TAFA5: variants seen among roughly 807,000 people sequenced by gnomAD.
TAFA5 encodes the protein TAFA chemokine like family member 5.
TAFA5 carries 6 observed loss-of-function variants against 15.3 expected under a neutral mutation model. That is an observed-to-expected ratio of 0.39 (90% CI 0.21 to 0.77). The LOEUF (loss-of-function observed/expected upper bound fraction) is 0.77. Among genes scored for constraint, TAFA5 ranks in the 30% least tolerant of loss-of-function variants. The pLI is 0.41. For missense variants in TAFA5, 161 were observed against 193.1 expected (o/e 0.83, Z 0.98); for synonymous variants, 103 against 80.7 (o/e 1.28, Z -1.48).
intron 1 of TAFA5, among the ~76,000 whole-genome samples, chr22:48,582,607 GC>G (rs1004174006): frequency 2.0e-3 from 56 of 27,728 alleles, no homozygotes; most frequent in African/African-American, 8.5e-3. Context: ...TACACCACAC[GC>G]CACACACAAA....
chr22:48,519,022 G>A (rs1311516995), intron 1 of TAFA5, among the ~76,000 whole-genome samples: 1 of 152,190 alleles, frequency 6.6e-6, no homozygotes, highest in South Asian at 2.1e-4. Flanking sequence ...CAGGGAGGAC[G>A]CCTGGGGTCT....
At chr22:48,699,222 C>G (rs538307526) in intron 2 of TAFA5, among the ~76,000 whole-genome samples, 2 of 152,140 alleles carry the variant, frequency 1.3e-5, no homozygotes, top group African/African-American at 2.4e-5. Flanking sequence ...CGTGAGCCAC[C>G]GTGCCCTGCT....
At chr22:48,580,983 T>C (rs28607216) in intron 1 of TAFA5, among the ~76,000 whole-genome samples, 110,312 of 152,152 alleles carry the variant, frequency 0.73, 41,514 homozygotes, top group African/African-American at 0.93. Context: ...TGCCTCTCCC[T>C]GACCCTCCAG....
chr22:48,577,892 C>T (rs1160457928), intron 1 of TAFA5, among the ~76,000 whole-genome samples: 1 of 152,214 alleles, frequency 6.6e-6, no homozygotes, highest in Non-Finnish European at 1.5e-5. Flanking sequence ...CTTGCTGACC[C>T]ACTTCAGGAG....
chr22:48,494,412 G>A (rs1928255050), intron 1 of TAFA5, among the ~76,000 whole-genome samples: 1 of 152,190 alleles, frequency 6.6e-6, no homozygotes, highest in Non-Finnish European at 1.5e-5. Flanking sequence ...ATTCAGGGTG[G>A]AGATGGACAA....
intron 3 of TAFA5, among the ~76,000 whole-genome samples, chr22:48,715,768 C>G (rs1025065694): frequency 1.3e-5 from 2 of 152,220 alleles, no homozygotes; most frequent in Non-Finnish European, 1.5e-5. Flanking sequence ...CAAGCCTGCC[C>G]CAGCCACAGA....
intron 1 of TAFA5, among the ~76,000 whole-genome samples, chr22:48,510,709 C>A (rs934981823): frequency 2.0e-5 from 3 of 152,188 alleles, no homozygotes; most frequent in African/African-American, 7.2e-5. Flanking sequence ...CCCTGGCTTC[C>A]CTCCCCCATG....
intron 2 of TAFA5, among the ~76,000 whole-genome samples, chr22:48,703,939 C>T (rs1928996962): frequency 6.6e-6 from 1 of 152,230 alleles, no homozygotes; most frequent in Non-Finnish European, 1.5e-5. Context: ...TTGAAGGGCT[C>T]ACTTCACCTG....
rs777360580 is a variant in TAFA5, at chr22:48,646,668, G to A, written c.184G>A (p.Ala62Thr). The change falls in exon 2 of 4, where the codon GCC becomes ACC. Residue 62 changes from alanine (A) to threonine (T), a missense_variant. Physicochemically the swap from Ala to Thr is moderately conservative, Grantham distance 58. Transcript: ENST00000402357. Reference sequence around the variant, plus strand: ...CAGCAGCCAGCCTCGGAGGACGATCGCCCGGCAGACCGCCCGCTGTGCGTG... The same window carrying A: ...CAGCAGCCAGCCTCGGAGGACGATCACCCGGCAGACCGCCCGCTGTGCGTG... ...RDSSQPRRTI[A>T]RQTARCACRK... The A allele has an allele frequency of 3.8e-5, 62 of 1,611,786 alleles. No homozygotes were observed. The highest frequency in any genetic ancestry group is 5.0e-5 in the Non-Finnish European group (59 of 1,179,742).
At chr22:48,610,225 T>C (rs927999519) in intron 1 of TAFA5, among the ~76,000 whole-genome samples, 13 of 151,870 alleles carry the variant, frequency 8.6e-5, no homozygotes, top group Admixed American at 2.0e-4. Context: ...TGCAGGCACG[T>C]TCCTGAGGGT....
chr22:48,556,258 C>T (rs75192620), intron 1 of TAFA5, among the ~76,000 whole-genome samples: 4,545 of 152,246 alleles, frequency 0.03, 236 homozygotes, highest in African/African-American at 0.1. Context: ...CCCTGCATCC[C>T]CAGAGCCCCC....
intron 2 of TAFA5, among the ~76,000 whole-genome samples, chr22:48,672,708 A>G (rs1387777389): frequency 6.6e-6 from 1 of 152,196 alleles, no homozygotes; most frequent in Non-Finnish European, 1.5e-5. Flanking sequence ...ATTCTGATGC[A>G]TCATTGCATG....
intron 3 of TAFA5, among the ~76,000 whole-genome samples, chr22:48,722,705 A>C (rs543352688): frequency 3.2e-4 from 49 of 152,356 alleles, no homozygotes; most frequent in African/African-American, 1.2e-3. Context: ...AAGTATATAA[A>C]AACAAAAATT....
At chr22:48,724,466 C>T (rs1311570998) in intron 3 of TAFA5, among the ~76,000 whole-genome samples, 5 of 152,178 alleles carry the variant, frequency 3.3e-5, no homozygotes, top group Admixed American at 2.6e-4. Flanking sequence ...AGATGGGCTC[C>T]CCTGCAAGTC....
rs11912908 is a variant in TAFA5, at chr22:48,501,770, C to T, written c.112+12066C>T. Among the ~76,000 whole-genome samples the T allele has an allele frequency of 6.4e-3, 977 of 152,310 alleles. 10 individuals carry two copies. The highest frequency in any genetic ancestry group is 0.023 in the African/African-American group (944 of 41,572). On this transcript the variant is annotated intron_variant, in intron 1 of 3. Coordinates refer to ENST00000402357, the MANE Select transcript of TAFA5 (RefSeq NM_001082967.3). Reference sequence around the variant, plus strand: ...TGGCGGAGTGAGGGCTGAGCCAGGCCGCTGAGTGTGGCCGCTCTTCTCAGC... The same window carrying T: ...TGGCGGAGTGAGGGCTGAGCCAGGCTGCTGAGTGTGGCCGCTCTTCTCAGC...
intron 1 of TAFA5, among the ~76,000 whole-genome samples, chr22:48,608,322 T>C (rs574019642): frequency 6.6e-6 from 1 of 152,356 alleles, no homozygotes; most frequent in South Asian, 2.1e-4. Flanking sequence ...ATATTCACGA[T>C]ACCTCCTTCC....
chr22:48,736,684 G>A (rs1178396362), intron 3 of TAFA5, among the ~76,000 whole-genome samples: 2 of 152,240 alleles, frequency 1.3e-5, no homozygotes, highest in Non-Finnish European at 2.9e-5. Flanking sequence ...TGATGAACCG[G>A]CAACACGGAT....
chr22:48,601,403 C>T (rs1439127633), intron 1 of TAFA5, among the ~76,000 whole-genome samples: 6 of 151,946 alleles, frequency 3.9e-5, no homozygotes, highest in Admixed American at 6.6e-5. Flanking sequence ...CTTGGCTCAC[C>T]GCAACCTCTG....
chr22:48,680,207 G>A (rs986156938), intron 2 of TAFA5, among the ~76,000 whole-genome samples: 1 of 152,240 alleles, frequency 6.6e-6, no homozygotes, highest in East Asian at 1.9e-4. Context: ...GCTCCGGCCT[G>A]TCTTCTTTGC....
Sources: gnomAD v4.1 joint callset for allele counts (sites outside exome capture counted in the v4.1 genomes callset) on GRCh38, gnomAD v4.1.1 for gene constraint, MANE v1.5 for transcripts, NCBI Gene and HGNC (gene_info 2026-07-23, HGNC 2026-07-21) for gene names.